Variants in NRXN1 observed in about 807,000 individuals in gnomAD.
NRXN1 encodes the protein neurexin 1.
Under a neutral mutation model 150.9 loss-of-function variants are expected in NRXN1, and 39 were observed. The observed-to-expected ratio is 0.26, with a 90% CI of 0.20 to 0.34. NRXN1 has a LOEUF of 0.34. Among genes scored for constraint, NRXN1 ranks in the 10% least tolerant of loss-of-function variants. The pLI is 1.00. For synonymous variants in NRXN1, 924 were observed against 757.0 expected (o/e 1.22, Z -3.62); for missense variants, 1,815 against 1,949.9 (o/e 0.93, Z 1.30).
At chr2:50,681,157 A>C (rs1690334224) in intron 5 of NRXN1, among the ~76,000 whole-genome samples, 1 of 152,246 alleles carries the variant, frequency 6.6e-6, no homozygotes, top group South Asian at 2.1e-4. Flanking sequence ...TAATGCACAG[A>C]CTCTAATGTT....
At chr2:50,558,244 A>T (rs1387435662) in intron 8 of NRXN1, among the ~76,000 whole-genome samples, 1 of 152,184 alleles carries the variant, frequency 6.6e-6, no homozygotes, top group Non-Finnish European at 1.5e-5. Context: ...TTATCAATAA[A>T]TATCTGGAGG....
intron 17 of NRXN1, among the ~76,000 whole-genome samples, chr2:50,392,101 A>G (rs934916863): frequency 6.6e-6 from 1 of 152,132 alleles, no homozygotes; most frequent in Non-Finnish European, 1.5e-5. Context: ...TTCATCACCA[A>G]TACAGCCAAT....
Position 50,454,646 on chromosome 2 carries a change from T to TA in NRXN1, c.3364+10795_3364+10796insT, listed in dbSNP as rs1158763737. ...CATGTACATATTTTCTTAAAAGAGC[T>TA]GTAGAAATGGGCAAAGATCACACAC... is the stretch of plus-strand genomic sequence containing the variant. On this transcript the variant is annotated intron_variant, in intron 17 of 22. Transcript: ENST00000401669. Among the ~76,000 whole-genome samples the TA allele has an allele frequency of 2.0e-5, 3 of 148,520 alleles. No individual in the cohort carries two copies. The Admixed American group carries it at 2.0e-4, about 10-fold the overall frequency.
chr2:50,103,982 C>T (rs945121335), intron 18 of NRXN1, among the ~76,000 whole-genome samples: 1 of 151,934 alleles, frequency 6.6e-6, no homozygotes, highest in South Asian at 2.1e-4. Context: ...TTCCTTCTGC[C>T]TGGTTAGCTG....
At chr2:50,305,284 G>A (rs1014146081) in intron 17 of NRXN1, among the ~76,000 whole-genome samples, 5 of 152,084 alleles carry the variant, frequency 3.3e-5, no homozygotes, top group Admixed American at 6.5e-5. Context: ...TATTATCCCC[G>A]TAAGGTTTAA....
At chr2:50,691,965 T>C (rs1205354755) in intron 5 of NRXN1, among the ~76,000 whole-genome samples, 1 of 152,218 alleles carries the variant, frequency 6.6e-6, no homozygotes, top group East Asian at 1.9e-4. Context: ...GGTAGTTATA[T>C]TCATCTGAAA....
At chr2:50,407,731 T>C (rs1558678286) in intron 17 of NRXN1, among the ~76,000 whole-genome samples, 1 of 152,164 alleles carries the variant, frequency 6.6e-6, no homozygotes, top group East Asian at 1.9e-4. Flanking sequence ...ACCTCAGGAC[T>C]CTGTAGAGAG....
rs183412078 is a variant in NRXN1 at position 50,309,942 on chromosome 2, G to A, written c.3365-72972C>T. 5.9e-5 allele frequency among the ~76,000 whole-genome samples: 9 copies of A among 152,230 alleles called. No homozygotes were observed. In the South Asian group the frequency reaches 1.9e-3, roughly 32 times the overall value. On this transcript the variant is annotated intron_variant, in intron 17 of 22. Transcript: ENST00000401669. ...GACCTCATAACATGTCAGCTTCTTG[G>A]AATGGACCCTCCTTCCAAGGCTAGA...
intron 10 of NRXN1, among the ~76,000 whole-genome samples, chr2:50,535,549 C>T (rs1266288024): frequency 6.6e-6 from 1 of 152,196 alleles, no homozygotes. Flanking sequence ...TATATCAATG[C>T]TCTTATTCTT....
At chr2:50,631,056 A>C in intron 5 of NRXN1, 1 of 444,236 alleles carries the variant, frequency 2.3e-6, no homozygotes, top group Admixed American at 2.7e-5. Flanking sequence ...TGTGTAACTG[A>C]GAAATTAAAA....
At chr2:50,237,066 T>A in intron 17 of NRXN1, 96 bp from the exon 18 acceptor site, 1 of 1,179,106 alleles carries the variant, frequency 8.5e-7, no homozygotes, top group Non-Finnish European at 1.3e-6. Context: ...GTATCAACTC[T>A]ACACACAAAA....
chr2:50,100,447 G>A (rs1700836079), intron 18 of NRXN1, among the ~76,000 whole-genome samples: 1 of 152,070 alleles, frequency 6.6e-6, no homozygotes, highest in Admixed American at 6.6e-5. Flanking sequence ...GATGAATTTA[G>A]TCCACTAAGT....
chr2:50,670,752 T>C (rs1262518553), intron 5 of NRXN1, among the ~76,000 whole-genome samples: 1 of 151,932 alleles, frequency 6.6e-6, no homozygotes, highest in Non-Finnish European at 1.5e-5. Flanking sequence ...GATCAGTTAT[T>C]TTGTAGAATG....
intron 18 of NRXN1, among the ~76,000 whole-genome samples, chr2:50,162,989 T>C (rs543900204): frequency 1.3e-5 from 2 of 152,028 alleles, no homozygotes; most frequent in South Asian, 2.1e-4. Context: ...ATTTGTGTTC[T>C]ACTTTGCTTG....
In NRXN1 at chr2:50,590,449, C is replaced by CT. The variant is rs1001796286; in HGVS notation, c.1320+29572dup. Among the ~76,000 whole-genome samples the CT allele has an allele frequency of 5.5e-4, 83 of 152,094 alleles. 2 individuals carry two copies. Among genetic ancestry groups the CT allele is most frequent in the Admixed American group, 2.6e-4 (4 of 15,270 alleles). ...TAGTATGCACAGCTTTTCCCATGAC[C>CT]TTAATACCTTTATATACCTAAGCAA... On this transcript the variant is annotated intron_variant, in intron 8 of 22. Transcript: ENST00000401669.
chr2:50,472,251 C>A, intron 16 of NRXN1, 47 bp downstream of exon 16: 1 of 1,447,886 alleles, frequency 6.9e-7, no homozygotes, highest in Non-Finnish European at 9.2e-7. Context: ...CTCAGTTAGA[C>A]AGGTGGAATT....
intron 21 of NRXN1, among the ~76,000 whole-genome samples, chr2:49,949,922 A>G (rs995784980): frequency 9.2e-5 from 14 of 151,964 alleles, no homozygotes; most frequent in East Asian, 5.8e-4. Context: ...AGCGCTCTCA[A>G]GTGTGGTTTT....
Position 50,552,810 on chromosome 2 carries a change from C to G in NRXN1, c.1536G>C (p.Glu512Asp), listed in dbSNP as rs780769794. The G allele has an allele frequency of 1.2e-6, 2 of 1,613,898 alleles. No individual in the cohort carries two copies. The highest frequency in any genetic ancestry group is 1.7e-6 in the Non-Finnish European group (2 of 1,179,852). The stretch of plus-strand genomic sequence containing the variant: ...GGCTAAATAAGATGAGGCCATTTGG[C>G]TCTGTTGTACGGAAATCAAATGATA... ...GSISFDFRTTEPNGLILFSHG... is the reference protein window; with the variant it reads ...GSISFDFRTTDPNGLILFSHG... Residue 512 changes from glutamate (E) to aspartate (D), a missense_variant, in exon 9 of 23, where the codon GAG becomes GAC. By Grantham distance (45) the Glu-to-Asp change is conservative (BLOSUM62 2). This residue lies in a region of NRXN1 where 638 missense variants were observed against 652.6 expected (regional missense o/e 0.98). Transcript: ENST00000401669.
chr2:50,051,135 G>A (rs1692648794), intron 21 of NRXN1, among the ~76,000 whole-genome samples: 1 of 151,758 alleles, frequency 6.6e-6, no homozygotes. Flanking sequence ...GGCAATTAAG[G>A]AGCAGTTAAC....
Sources: allele counts gnomAD v4.1 joint callset (sites outside exome capture counted in the v4.1 genomes callset), GRCh38; gene constraint gnomAD v4.1.1; regional missense constraint gnomAD v4.1.1; transcripts MANE v1.5; gene names NCBI Gene and HGNC (gene_info 2026-07-23, HGNC 2026-07-21).